The following ABCB5 variants were observed in gnomAD, a reference collection of about 807,000 sequenced individuals.
ABCB5 encodes ATP binding cassette subfamily B member 5, also known as ATP-binding cassette sub-family B member 5.
ABCB5 carries 155 observed loss-of-function variants against 144.2 expected under a neutral mutation model. That is an observed-to-expected ratio of 1.08 (90% confidence interval 0.94 to 1.23). ABCB5 has a LOEUF of 1.23. Ranked by LOEUF, ABCB5 falls within the 50% of genes most tolerant of loss-of-function variation. The pLI, the probability that ABCB5 is intolerant of heterozygous loss-of-function variation, is 0.00. For synonymous variants in ABCB5, 610 were observed against 528.6 expected (o/e 1.15, Z -2.11); for missense variants, 1,830 against 1,520.8 (o/e 1.20, Z -3.38).
At chr7:20,725,137 T>A (rs939687785) in intron 21 of ABCB5, among the ~76,000 whole-genome samples, 6 of 152,256 alleles carry the variant, frequency 3.9e-5, no homozygotes, top group Non-Finnish European at 7.3e-5. Flanking sequence ...CAAACAACTC[T>A]AATCAAATAG....
chr7:20,677,082 C>A (rs541197393), intron 14 of ABCB5, among the ~76,000 whole-genome samples: 2 of 152,096 alleles, frequency 1.3e-5, no homozygotes, highest in African/African-American at 4.8e-5. Context: ...AACTGTATTA[C>A]GAGTTTTTAT....
chr7:20,728,386 A>T lies in ABCB5; in HGVS notation c.2798A>T (p.Tyr933Phe), dbSNP rs1044170835. 2 of 1,614,056 alleles carry T rather than the reference A, an allele frequency of 1.2e-6. No homozygotes were observed. The highest frequency in any genetic ancestry group is 1.3e-5 in the African/African-American group (1 of 74,932). Residue 933 changes from tyrosine (Y) to phenylalanine (F), a missense_variant, in exon 23 of 28, where the codon TAT becomes TTT. Transcript: ENST00000404938. Reference protein sequence around the residue: ...AFSHAFIYFAYAAGFRFGAYL... With the variant: ...AFSHAFIYFAFAAGFRFGAYL... Reference sequence around the variant, plus strand: ...AGCCATGCCTTTATATATTTTGCCTATGCGGCAGGGTTTCGATTTGGAGCC... The same window carrying T: ...AGCCATGCCTTTATATATTTTGCCTTTGCGGCAGGGTTTCGATTTGGAGCC...
chr7:20,638,974 C>T (rs1428441675), intron 5 of ABCB5, among the ~76,000 whole-genome samples: 1 of 152,134 alleles, frequency 6.6e-6, no homozygotes, highest in Non-Finnish European at 1.5e-5. Flanking sequence ...TTACTGTCCA[C>T]CAGCAGTGTC....
intron 20 of ABCB5, among the ~76,000 whole-genome samples, chr7:20,720,938 T>C (rs374230420): frequency 0.022 from 1,848 of 83,346 alleles, 42 homozygotes; most frequent in African/African-American, 0.087. Flanking sequence ...AGCGAAACTC[T>C]GCCTCAAAAA....
At chr7:20,716,021 A>C (rs1781665139) in intron 20 of ABCB5, among the ~76,000 whole-genome samples, 1 of 152,142 alleles carries the variant, frequency 6.6e-6, no homozygotes, top group African/African-American at 2.4e-5. Context: ...CACCGTGCCC[A>C]GCTGAACTAT....
At chr7:20,754,683 T>C (rs1047480333) in intron 27 of ABCB5, among the ~76,000 whole-genome samples, 1 of 152,086 alleles carries the variant, frequency 6.6e-6, no homozygotes, top group Non-Finnish European at 1.5e-5. Flanking sequence ...ATAAATAAAT[T>C]AGACAATTCT....
At chr7:20,681,739 A>G in intron 15 of ABCB5, 73 bp downstream of exon 15, 1 of 1,513,818 alleles carries the variant, frequency 6.6e-7, no homozygotes, top group Non-Finnish European at 8.8e-7. Context: ...CTAGAAAACA[A>G]AAGTTGCAAA....
rs191422417 is a variant in ABCB5, at chr7:20,728,083, C to G, written c.2727-232C>G. Among the ~76,000 whole-genome samples, 241 of 152,154 alleles carry G rather than the reference C, an allele frequency of 1.6e-3. 1 individual carries two copies. The highest frequency in any genetic ancestry group is 5.6e-3 in the African/African-American group (234 of 41,510). On this transcript the variant is annotated intron_variant, in intron 22 of 27. Transcript: ENST00000404938. The stretch of plus-strand genomic sequence containing the variant: ...AGTATATAAAGTTAAATTTGTTATA[C>G]TGAACTAGAGAGTATATGACTATAG...
chr7:20,672,062 T>C (rs1258791663), intron 14 of ABCB5, among the ~76,000 whole-genome samples: 2 of 152,222 alleles, frequency 1.3e-5, no homozygotes, highest in Admixed American at 6.5e-5. Context: ...TGATGACTGA[T>C]GATGTTAAGC....
At chr7:20,750,546 ATC>A (rs1369716749) in intron 26 of ABCB5, among the ~76,000 whole-genome samples, 6 of 152,192 alleles carry the variant, frequency 3.9e-5, no homozygotes, top group African/African-American at 1.4e-4. Flanking sequence ...AATCAAATAC[ATC>A]TGCACAAAAT....
At position 20,626,612 on chromosome 7, in the gene ABCB5, G is replaced by C. The variant is rs17143187; in HGVS notation, c.108+1G>C. 0.034 allele frequency: 54,790 copies of C among 1,602,356 alleles called. 7,809 individuals are homozygous for C. In the East Asian group the frequency reaches 0.49, roughly 14 times the overall value. On this transcript the variant is annotated splice_donor_variant, in intron 3 of 27. Coordinates refer to ENST00000404938, the MANE Select transcript of ABCB5 (RefSeq NM_001163941.2). LOFTEE classifies it high-confidence loss of function. ...GGAAGCAGTTGGATCTATTGAGATA[G>C]TAAGTGAAATCAGTTAGAAAGTACA...
chr7:20,698,291 C>G, intron 16 of ABCB5, 116 bp from the exon 17 acceptor site: 1 of 841,184 alleles, frequency 1.2e-6, no homozygotes, highest in Non-Finnish European at 1.7e-6. Context: ...ATTTTCTACC[C>G]TGCTGTCTGT....
chr7:20,698,358 C>G, intron 16 of ABCB5, 49 bp from the exon 17 acceptor site: 1 of 1,474,004 alleles, frequency 6.8e-7, no homozygotes, highest in Non-Finnish European at 9.1e-7. Flanking sequence ...TCACTAGATT[C>G]TGTTATGCAC....
At chr7:20,648,671 C>T (rs181851212) in intron 11 of ABCB5, among the ~76,000 whole-genome samples, 177 of 152,188 alleles carry the variant, frequency 1.2e-3, no homozygotes, top group Admixed American at 2.9e-3. Context: ...TTGCACAAGG[C>T]GATTACTAAT....
rs1784443365 is a variant in ABCB5, at chr7:20,647,568, A to G, written c.1015A>G (p.Ile339Val). Residue 339 changes from isoleucine to valine, a missense_variant, in exon 10 of 28, where the codon ATT becomes GTT. Physicochemically the swap from Ile to Val is conservative, Grantham distance 29. Transcript: ENST00000404938. ...FFSVIHSSYC[I>V]GAAVPHFETF... ...TAGTGTAATCCATAGCAGTTATTGC[A>G]TTGGAGCAGCAGTCCCTCACTTTGA... 1.9e-6 allele frequency: 3 copies of G among 1,587,650 alleles called. No individual in the cohort carries two copies. The East Asian group carries it at 6.8e-5, about 36-fold the overall frequency.
At position 20,699,934 on chromosome 7, in the gene ABCB5, G is replaced by A; in HGVS notation, c.2259+5G>A. On this transcript the variant is annotated splice_donor_5th_base_variant and intron_variant, in intron 18 of 27. Transcript: ENST00000404938. ...TTTGTCAGTTATTTCATGCAGGTAA[G>A]CTTTTAATAAACAAGCCTGAGCATG... 1.2e-6 allele frequency: 2 copies of A among 1,609,020 alleles called. No individual in the cohort carries two copies. The highest frequency in any genetic ancestry group is 1.7e-6 in the Non-Finnish European group (2 of 1,176,598).
At chr7:20,746,191 G>A (rs747061784) in intron 26 of ABCB5, among the ~76,000 whole-genome samples, 17 of 151,954 alleles carry the variant, frequency 1.1e-4, no homozygotes, top group Non-Finnish European at 1.8e-4. Flanking sequence ...TCCACCTCCC[G>A]TGTTCAAGCA....
At chr7:20,645,631 TAC>T in intron 7 of ABCB5, 123 bp from the exon 8 acceptor site, 2 of 1,219,010 alleles carry the variant, frequency 1.6e-6, no homozygotes, top group Non-Finnish European at 2.2e-6. Context: ...TTTTTAAAAA[TAC>T]AGAGATAAAG....
At chr7:20,676,870 C>T (rs377243097) in intron 14 of ABCB5, among the ~76,000 whole-genome samples, 40 of 152,154 alleles carry the variant, frequency 2.6e-4, no homozygotes, top group African/African-American at 8.7e-4. Context: ...CTAAGTCCTC[C>T]AAGACAGAAA....
Sources: allele counts gnomAD v4.1 joint callset (sites outside exome capture counted in the v4.1 genomes callset), GRCh38; gene constraint gnomAD v4.1.1; transcripts MANE v1.5; gene names NCBI Gene and HGNC (gene_info 2026-07-23, HGNC 2026-07-21).